The following GSN variants were observed in gnomAD, a reference collection of about 807,000 sequenced individuals.
GSN encodes the protein gelsolin.
A neutral mutation model predicts 85.7 loss-of-function variants in GSN; 56 were observed. The observed-to-expected ratio is 0.65, with a 90% CI of 0.53 to 0.82. The LOEUF is 0.82. Among genes scored for constraint, GSN ranks in the 40% least tolerant of loss-of-function variants. The pLI is 0.00. For missense variants in GSN, 857 were observed against 979.8 expected (o/e 0.87, Z 1.67); for synonymous variants, 373 against 399.1 (o/e 0.93, Z 0.78).
rs142651213 is a variant in GSN at position 121,324,415 on chromosome 9, G to T, written c.1326-139G>T. 3.0e-5 allele frequency: 20 copies of T among 674,238 alleles called. No homozygotes were observed. In the Middle Eastern group the frequency reaches 1.1e-3, roughly 36 times the overall value. 41.8% of individuals were successfully genotyped at this position (674,238 alleles called of 1,614,324 possible). A position where few individuals can be genotyped will look rare whatever the true frequency, so the allele number is the denominator to read the frequency against. On this transcript the variant is annotated intron_variant, in intron 11 of 17. Transcript: ENST00000432226. ...GTTGGTGTGGTTCCTGGCTCTCGTT[G>T]TTCTGAAAGAGTCCCCTTCCCTCTC...
intron 2 of GSN, among the ~76,000 whole-genome samples, chr9:121,287,809 A>G (rs1404772277): frequency 6.6e-6 from 1 of 152,142 alleles, no homozygotes; most frequent in Non-Finnish European, 1.5e-5. Context: ...GTACATTTAC[A>G]GAGTTATGCA....
rs574727561 is a variant in GSN at position 121,239,831 on chromosome 9, G to A, written c.-388-8445G>A. On this transcript the variant is annotated intron_variant, in intron 5 of 24. Coordinates refer to the GSN transcript ENST00000373823. The stretch of plus-strand genomic sequence containing the variant: ...ACTGCCTTGGAGCCACCAACTTCTA[G>A]AACTTGCCCATGTCTCTGTGCCATC... 3.4e-4 allele frequency: 82 copies of A among 239,442 alleles called. 1 individual carries two copies. The South Asian group carries it at 5.3e-3, about 16-fold the overall frequency. 14.8% of individuals were successfully genotyped at this position (239,442 alleles called of 1,614,324 possible). A position where few individuals can be genotyped will look rare whatever the true frequency, so the allele number is the denominator to read the frequency against.
chr9:121,206,684 A>G (rs957267089), upstream of GSN, among the ~76,000 whole-genome samples: 2 of 152,066 alleles, frequency 1.3e-5, no homozygotes, highest in African/African-American at 4.8e-5. Flanking sequence ...TGACGACCAG[A>G]AGTTGGTGGT....
rs1335414770 is a variant in GSN, at chr9:121,277,430, C to T, written c.-102-4040C>T. On this transcript the variant is annotated intron_variant, in intron 1 of 17. Transcript: ENST00000432226. ...ATGCTGATGTAGCTGGTCCAGGGAT[C>T]ACACTTTCAGTTGCAAGATTTGAAA... 2.6e-5 allele frequency among the ~76,000 whole-genome samples: 4 copies of T among 152,028 alleles called. No homozygotes were observed. The East Asian group carries it at 5.8e-4, about 22-fold the overall frequency.
At chr9:121,292,630 C>T (rs188195336) in intron 2 of GSN, among the ~76,000 whole-genome samples, 6 of 152,240 alleles carry the variant, frequency 3.9e-5, no homozygotes, top group South Asian at 2.1e-4. Flanking sequence ...ATTGAAGTGC[C>T]GCAGAAGGTG....
chr9:121,249,996 G>C (rs1287095137), intron 6 of GSN, among the ~76,000 whole-genome samples: 2 of 152,194 alleles, frequency 1.3e-5, no homozygotes, highest in African/African-American at 4.8e-5. Context: ...AAAGAGGGCT[G>C]TGTGGTTCCC....
chr9:121,315,689 A>C (rs1395674485), intron 7 of GSN, among the ~76,000 whole-genome samples: 3 of 152,178 alleles, frequency 2.0e-5, no homozygotes, highest in African/African-American at 7.2e-5. Flanking sequence ...TGAACCCGGG[A>C]GGCGGAGGTT....
At chr9:121,254,835 G>A (rs2054917497) in intron 6 of GSN, among the ~76,000 whole-genome samples, 1 of 152,156 alleles carries the variant, frequency 6.6e-6, no homozygotes, top group Admixed American at 6.5e-5. Flanking sequence ...CTGCCTGCCA[G>A]CTACCTAGTA....
chr9:121,208,709 A>C (rs2132063665), intron 1 of GSN, among the ~76,000 whole-genome samples: 1 of 152,352 alleles, frequency 6.6e-6, no homozygotes, highest in Non-Finnish European at 1.5e-5. Context: ...ACATGGTCAC[A>C]CCTAGCTGAA....
In GSN at chr9:121,282,324, T is replaced by C. The variant is rs578214850; in HGVS notation, c.-10+762T>C. The C allele has an allele frequency of 1.9e-4, 107 of 572,916 alleles. No individual in the cohort carries two copies. The African/African-American group carries it at 1.9e-3, about 10-fold the overall frequency. The allele number at this position is 572,916 out of a possible 1,614,324, so 35.5% of individuals were successfully genotyped here. On this transcript the variant is annotated intron_variant, in intron 2 of 17. Coordinates refer to ENST00000432226, the MANE Select transcript of GSN (RefSeq NM_198252.3). ...CCAGTGAGACAGGAAGGATCACTAC[T>C]AGGGGGAATCGCCCAGCTTCCAACA...
chr9:121,215,108 G>A (rs915697333), intron 4 of GSN, among the ~76,000 whole-genome samples: 2 of 151,822 alleles, frequency 1.3e-5, no homozygotes, highest in African/African-American at 4.8e-5. Flanking sequence ...TTGGATTCTG[G>A]CTGCATCACT....
chr9:121,250,356 C>T (rs2054795154), intron 6 of GSN, among the ~76,000 whole-genome samples: 1 of 152,110 alleles, frequency 6.6e-6, no homozygotes, highest in Non-Finnish European at 1.5e-5. Context: ...AGGTGCCTGC[C>T]ACTACACCCA....
chr9:121,314,667 A>C (rs1431076641), intron 7 of GSN, among the ~76,000 whole-genome samples: 2 of 152,232 alleles, frequency 1.3e-5, no homozygotes, highest in Non-Finnish European at 2.9e-5. Flanking sequence ...TTGTAAGAAA[A>C]AAAAGTATTC....
chr9:121,318,648 C>T lies in GSN; in HGVS notation c.976-17C>T. ...GGCAGCCCAGCCACATCCTGCTCCT[C>T]TGCCTCCCCTCCCCAGGTCTCGGTC... On this transcript the variant is annotated splice_polypyrimidine_tract_variant and intron_variant, in intron 9 of 17. Transcript: ENST00000432226. The surrounding 1 kb of genome is among the most constrained non-coding windows in gnomAD (Gnocchi z 4.3). The T allele has an allele frequency of 6.3e-7, 1 of 1,596,508 alleles. No individual in the cohort carries two copies. Among genetic ancestry groups the T allele is most frequent in the Non-Finnish European group, 8.6e-7 (1 of 1,164,030 alleles).
chr9:121,259,327 C>T (rs1313263191), intron 6 of GSN, among the ~76,000 whole-genome samples: 1 of 152,166 alleles, frequency 6.6e-6, no homozygotes, highest in Non-Finnish European at 1.5e-5. Flanking sequence ...CCAGAAAGTA[C>T]TATGATGGAG....
rs2063549169 is a variant in GSN, at chr9:121,328,830, G to A, written c.1763-61G>A. Reference sequence around the variant, plus strand: ...TTGGGCAGGGCTGGTCCCAGGGTCCGATGAGATGGGAGAGAGGGGTGATGG... The same window carrying A: ...TTGGGCAGGGCTGGTCCCAGGGTCCAATGAGATGGGAGAGAGGGGTGATGG... On this transcript the variant is annotated intron_variant, in intron 14 of 17. Coordinates refer to ENST00000432226, the MANE Select transcript of GSN (RefSeq NM_198252.3). The A allele has an allele frequency of 7.4e-5, 117 of 1,582,568 alleles. No homozygotes were observed. In the South Asian group the frequency reaches 1.2e-3, roughly 16 times the overall value.
At chr9:121,317,286 AG>A in intron 8 of GSN, 68 bp downstream of exon 8, 1 of 1,530,548 alleles carries the variant, frequency 6.5e-7, no homozygotes, top group Non-Finnish European at 9.0e-7. Flanking sequence ...TGCAGCTCCC[AG>A]GAACTCAGCT....
intron 6 of GSN, chr9:121,248,332 C>T (rs960055927): frequency 3.3e-5 from 5 of 152,292 alleles, no homozygotes; most frequent in African/African-American, 1.2e-4. Context: ...AGGTGTGCAC[C>T]ACCACACCCA....
intron 5 of GSN, among the ~76,000 whole-genome samples, chr9:121,237,432 G>A (rs554991738): frequency 1.3e-5 from 2 of 152,246 alleles, no homozygotes; most frequent in East Asian, 1.9e-4. Flanking sequence ...CATGTGAGTA[G>A]CACATGCCTG....
Sources: allele counts gnomAD v4.1 joint callset (sites outside exome capture counted in the v4.1 genomes callset), GRCh38; gene constraint gnomAD v4.1.1; non-coding constraint Gnocchi (gnomAD v3.1); transcripts MANE v1.5; gene names NCBI Gene and HGNC (gene_info 2026-07-23, HGNC 2026-07-21).